The following CFAP299 variants were observed in gnomAD, a reference collection of about 807,000 sequenced individuals.
CFAP299 encodes cilia- and flagella-associated protein 299.
Under a neutral mutation model 27.0 loss-of-function variants are expected in CFAP299, and 21 were observed. The observed-to-expected ratio is 0.78, with a 90% CI of 0.55 to 1.12. The LOEUF (loss-of-function observed/expected upper bound fraction) is 1.12, where lower values mean the gene tolerates loss of function less well. Among genes scored for constraint, CFAP299 ranks in the 50% most tolerant of loss-of-function variants. The pLI is 0.00. For synonymous variants in CFAP299, 104 were observed against 98.1 expected (o/e 1.06, Z -0.36); for missense variants, 310 against 276.6 (o/e 1.12, Z -0.86).
At chr4:80,631,859 G>GGCCCCCCCC (rs34615962) in intron 3 of CFAP299, among the ~76,000 whole-genome samples, 1 of 21,470 alleles carries the variant, frequency 4.7e-5, no homozygotes. Context: ...GAATATTTGT[G>GGCCCCCCCC]CCCCACCCCC....
intron 2 of CFAP299, among the ~76,000 whole-genome samples, chr4:80,364,014 G>A (rs1010361322): frequency 6.6e-6 from 1 of 151,208 alleles, no homozygotes; most frequent in Non-Finnish European, 1.5e-5. Flanking sequence ...GTGAACCCGG[G>A]AGGCGGAGCT....
intron 3 of CFAP299, among the ~76,000 whole-genome samples, chr4:80,773,473 C>CT (rs897280062): frequency 6.6e-5 from 10 of 151,992 alleles, no homozygotes. Context: ...AGTGGACCAG[C>CT]TTTTTTTACT....
At chr4:80,803,045 A>G (rs1446090446) in intron 3 of CFAP299, among the ~76,000 whole-genome samples, 2 of 152,108 alleles carry the variant, frequency 1.3e-5, no homozygotes, top group Non-Finnish European at 2.9e-5. Flanking sequence ...CATCAACTGT[A>G]TATTAGAGTT....
chr4:80,427,412 T>C (rs182962414), intron 2 of CFAP299, among the ~76,000 whole-genome samples: 69 of 152,322 alleles, frequency 4.5e-4, no homozygotes, highest in Non-Finnish European at 5.7e-4. Context: ...TGCAATTATA[T>C]AACTAATCTT....
At chr4:80,818,388 T>C (rs987198986) in intron 3 of CFAP299, among the ~76,000 whole-genome samples, 11 of 152,184 alleles carry the variant, frequency 7.2e-5, no homozygotes, top group African/African-American at 2.7e-4. Flanking sequence ...TTAAATAAAC[T>C]GTCCTTTCGC....
chr4:80,940,428 A>G (rs1425539627), intron 4 of CFAP299, among the ~76,000 whole-genome samples: 2 of 152,158 alleles, frequency 1.3e-5, no homozygotes, highest in Middle Eastern at 3.2e-3. Context: ...CCTTGGCCCT[A>G]GGCTATGCTG....
chr4:80,468,258 C>T (rs1047365080), intron 2 of CFAP299, among the ~76,000 whole-genome samples: 19 of 148,376 alleles, frequency 1.3e-4, no homozygotes, highest in South Asian at 2.1e-4. Flanking sequence ...CTTGCTCTGT[C>T]GTCCAGGCTG....
Position 80,824,318 on chromosome 4 carries a change from C to T in CFAP299, c.334-45675C>T, listed in dbSNP as rs369866596. On this transcript the variant is annotated intron_variant, in intron 3 of 5. Coordinates refer to ENST00000358105, the MANE Select transcript of CFAP299 (RefSeq NM_152770.3). ...CCATCCTCTACCTCCAACCAAATTG[C>T]AGGTAGCTGTGCATGTTTATGGCGC... Among the ~76,000 whole-genome samples, 9 of 152,250 alleles carry T rather than the reference C, an allele frequency of 5.9e-5. No homozygotes were observed. In the South Asian group the frequency reaches 1.9e-3, roughly 32 times the overall value.
At chr4:80,323,588 T>C in the CFAP299 span, among the ~76,000 whole-genome samples, 1 of 152,122 alleles carries the variant, frequency 6.6e-6, no homozygotes, top group African/African-American at 2.4e-5. Context: ...ACATTAGCCC[T>C]AAAAAGCTAC....
chr4:80,646,986 A>AGTGT (rs763766141), intron 3 of CFAP299, among the ~76,000 whole-genome samples: 8 of 49,124 alleles, frequency 1.6e-4, no homozygotes, highest in African/African-American at 3.4e-4. Context: ...AGAGAGAGAG[A>AGTGT]GAGTGTGTGT....
rs188404635 is a variant in CFAP299 at position 80,456,147 on chromosome 4, C to A, written c.242+93263C>A. Among the ~76,000 whole-genome samples the A allele has an allele frequency of 2.1e-4, 32 of 152,128 alleles. No individual in the cohort carries two copies. The East Asian group carries it at 5.6e-3, about 27-fold the overall frequency. On this transcript the variant is annotated intron_variant, in intron 2 of 5. Transcript: ENST00000358105. ...CAAGCCATGAGATAGTTAGGAAAAG[C>A]CAAACCCCATGCTTGGACACAGCAA...
chr4:80,652,466 A>G (rs1021714726), intron 3 of CFAP299, among the ~76,000 whole-genome samples: 3 of 152,110 alleles, frequency 2.0e-5, no homozygotes, highest in African/African-American at 7.2e-5. Context: ...CAACAACTGG[A>G]CTGGGAATGT....
At chr4:80,496,733 A>G (rs573358465) in intron 2 of CFAP299, among the ~76,000 whole-genome samples, 1 of 152,140 alleles carries the variant, frequency 6.6e-6, no homozygotes, top group African/African-American at 2.4e-5. Flanking sequence ...AATACCAGAG[A>G]CTGGGTAATT....
intron 3 of CFAP299, among the ~76,000 whole-genome samples, chr4:80,607,371 G>T (rs1282590420): frequency 6.6e-6 from 1 of 151,964 alleles, no homozygotes; most frequent in Non-Finnish European, 1.5e-5. Context: ...AGGATATCGA[G>T]ATGCTCTGCC....
At chr4:80,600,694 T>A (rs887531091) in intron 3 of CFAP299, among the ~76,000 whole-genome samples, 1 of 152,242 alleles carries the variant, frequency 6.6e-6, no homozygotes, top group Middle Eastern at 3.4e-3. Flanking sequence ...TTTTTTGTTG[T>A]TGTTGTTGTT....
intron 4 of CFAP299, among the ~76,000 whole-genome samples, chr4:80,889,994 T>C (rs1734180150): frequency 6.6e-6 from 1 of 152,128 alleles, no homozygotes; most frequent in Non-Finnish European, 1.5e-5. Context: ...AAAACCCATA[T>C]ATGTCAGATC....
At chr4:80,415,262 T>G (rs1036536926) in intron 2 of CFAP299, among the ~76,000 whole-genome samples, 10 of 152,178 alleles carry the variant, frequency 6.6e-5, no homozygotes. Context: ...GCCTAAGAAA[T>G]GACTTACAGA....
intron 3 of CFAP299, among the ~76,000 whole-genome samples, chr4:80,591,115 T>TA (rs1259977668): frequency 1.4e-4 from 20 of 142,502 alleles, no homozygotes; most frequent in Non-Finnish European, 2.8e-4. Flanking sequence ...ATTTTTTTTT[T>TA]TTTTTTTTTT....
chr4:80,635,905 C>G (rs1376845209), intron 3 of CFAP299, among the ~76,000 whole-genome samples: 1 of 152,064 alleles, frequency 6.6e-6, no homozygotes, highest in African/African-American at 2.4e-5. Context: ...TTTTGTTAAA[C>G]ATGGCCCACT....
Sources: allele counts gnomAD v4.1 joint callset (sites outside exome capture counted in the v4.1 genomes callset), GRCh38; gene constraint gnomAD v4.1.1; transcripts MANE v1.5; gene names NCBI Gene and HGNC (gene_info 2026-07-23, HGNC 2026-07-21).